SCAPER: variants seen among roughly 807,000 people sequenced by gnomAD.
The protein encoded by SCAPER is S phase cyclin A-associated protein in the endoplasmic reticulum.
In SCAPER, 98 loss-of-function variants were observed where a neutral mutation model predicts 182.2. The ratio of observed to expected loss-of-function variants is 0.54; its 90% CI spans 0.46 to 0.64. The LOEUF is 0.64. Ranked by LOEUF, SCAPER falls within the 30% of genes least tolerant of loss-of-function variation. The pLI, the probability that SCAPER is intolerant of heterozygous loss-of-function variation, is 0.00. For synonymous variants in SCAPER, 605 were observed against 564.6 expected, an observed-to-expected ratio of 1.07 and a Z score of -1.01; for missense variants, 1,432 against 1,690.0, an observed-to-expected ratio of 0.85 and a Z score of 2.68.
At position 76,633,242 on chromosome 15, in the gene SCAPER, C is replaced by T. The variant is rs2053293952; in HGVS notation, c.2646-11413G>A. Reference sequence around the variant, plus strand: ...GCTATTTCCCTGGGTCCTTCCCACTCCTGGAATTATCACCAGTGGACGCTG... The same window carrying T: ...GCTATTTCCCTGGGTCCTTCCCACTTCTGGAATTATCACCAGTGGACGCTG... On this transcript the variant is annotated intron_variant, in intron 21 of 31. Transcript: ENST00000563290. Among the ~76,000 whole-genome samples, 5 of 152,308 alleles carry T rather than the reference C, an allele frequency of 3.3e-5. No homozygotes were observed. In the South Asian group the frequency reaches 1.0e-3, roughly 32 times the overall value.
intron 27 of SCAPER, among the ~76,000 whole-genome samples, chr15:76,390,260 G>T (rs529573553): frequency 6.6e-6 from 1 of 152,298 alleles, no homozygotes; most frequent in East Asian, 1.9e-4. Context: ...TGGCTAAAGA[G>T]GAACTCTTGA....
chr15:76,415,611 T>C (rs1356586087), intron 26 of SCAPER, among the ~76,000 whole-genome samples: 1 of 152,142 alleles, frequency 6.6e-6, no homozygotes, highest in Non-Finnish European at 1.5e-5. Context: ...TGCATAAAAA[T>C]AACAATTGGC....
At chr15:76,734,672 G>T (rs1431630347) in intron 15 of SCAPER, among the ~76,000 whole-genome samples, 11 of 152,020 alleles carry the variant, frequency 7.2e-5, no homozygotes, top group African/African-American at 2.7e-4. Flanking sequence ...GGTCAGGAGT[G>T]CAAGCTAGCC....
At chr15:76,870,361 T>A (rs554248048) in intron 2 of SCAPER, among the ~76,000 whole-genome samples, 3 of 151,836 alleles carry the variant, frequency 2.0e-5, no homozygotes, top group African/African-American at 7.2e-5. Context: ...ATTATGTACA[T>A]CTCTTATGCA....
rs1237828525 is a variant in SCAPER at position 76,434,181 on chromosome 15, C to T, written c.3208G>A (p.Asp1070Asn). 1.2e-6 allele frequency: 2 copies of T among 1,613,952 alleles called. No individual in the cohort carries two copies. Among genetic ancestry groups the T allele is most frequent in the South Asian group, 2.2e-5 (2 of 91,084 alleles). ...GGGGTAGCTGGCTGGCAGTTTCCAT[C>T]TGGTCGATTGGCAATCAGGCAGCCC... ...VLGCLIANRP[D>N]GNCQPATPKI... is the part of the protein sequence containing the mutation. The change falls in exon 26 of 32, where the codon GAT (aspartate) becomes AAT (asparagine). Residue 1070 changes from aspartate to asparagine, a missense_variant. Transcript: ENST00000563290.
At chr15:76,895,135 A>T (rs1250471908) in intron 1 of SCAPER, among the ~76,000 whole-genome samples, 1 of 152,218 alleles carries the variant, frequency 6.6e-6, no homozygotes, top group Non-Finnish European at 1.5e-5. Flanking sequence ...TCCTCCATAA[A>T]ATACCGGCAA....
In SCAPER at chr15:76,504,151, G is replaced by C. The variant is rs1597076978; in HGVS notation, c.2954+708C>G. On this transcript the variant is annotated intron_variant, in intron 24 of 31. Coordinates refer to ENST00000563290, the MANE Select transcript of SCAPER (RefSeq NM_020843.4). ...GATCCTCCTGCCTTGACCTCCCAAA[G>C]TGCTGGGATCATAGATGTGAGCCAT... Among the ~76,000 whole-genome samples the C allele has an allele frequency of 3.9e-5, 6 of 152,200 alleles. No homozygotes were observed. The South Asian group carries it at 8.3e-4, about 21-fold the overall frequency.
At chr15:76,485,119 G>C (rs1475048192) in intron 24 of SCAPER, among the ~76,000 whole-genome samples, 1 of 152,176 alleles carries the variant, frequency 6.6e-6, no homozygotes, top group African/African-American at 2.4e-5. Context: ...AACTATTTCT[G>C]TTTGCAGATG....
intron 26 of SCAPER, among the ~76,000 whole-genome samples, chr15:76,432,514 C>A (rs2046935774): frequency 6.6e-6 from 1 of 152,170 alleles, no homozygotes. Context: ...TCCTGTTAAC[C>A]AACCATAAGC....
Position 76,367,183 on chromosome 15 carries a change from T to C in SCAPER, c.3855+8979A>G, listed in dbSNP as rs147400866. On this transcript the variant is annotated intron_variant, in intron 29 of 31. Transcript: ENST00000563290. ...GAAACTAAAGCTCAGAGAAGGGCAG[T>C]GACTTACCCAGTGTCAAACAGCTGT... is the stretch of plus-strand genomic sequence containing the variant. Among the ~76,000 whole-genome samples the C allele has an allele frequency of 5.8e-4, 88 of 152,358 alleles. 2 individuals are homozygous for C. The East Asian group carries it at 0.015, about 27-fold the overall frequency.
chr15:76,523,129 AT>A (rs1339112582), intron 23 of SCAPER, among the ~76,000 whole-genome samples: 1 of 152,084 alleles, frequency 6.6e-6, no homozygotes, highest in Non-Finnish European at 1.5e-5. Context: ...TATTGCTTAT[AT>A]TGCTTTAACC....
In SCAPER at chr15:76,574,160, CT is replaced by C; in HGVS notation, c.2835del (p.Glu946ArgfsTer15). On this transcript the variant is annotated frameshift_variant, in exon 23 of 32. Coordinates refer to ENST00000563290, the MANE Select transcript of SCAPER (RefSeq NM_020843.4). LOFTEE classifies it high-confidence loss of function. The stretch of plus-strand genomic sequence containing the variant: ...AAAGCCAGATATTAGTTACACACCT[CT>C]TTTTCCAGTATTCTAGTGATCTCTC... ...TLGEITRILE[K>X]ENVADQIAFQ... The C allele has an allele frequency of 1.2e-6, 2 of 1,600,580 alleles. No homozygotes were observed.
chr15:76,904,182 C>G (rs1309559091), intron 1 of SCAPER, among the ~76,000 whole-genome samples: 2 of 152,128 alleles, frequency 1.3e-5, no homozygotes, highest in Non-Finnish European at 1.5e-5. Flanking sequence ...AACCTTAGGT[C>G]AGAAAACTTA....
intron 21 of SCAPER, among the ~76,000 whole-genome samples, chr15:76,631,377 CATA>C (rs1359452453): frequency 3.9e-5 from 6 of 152,300 alleles, no homozygotes; most frequent in Non-Finnish European, 8.8e-5. Context: ...GTAGTTGCTT[CATA>C]ATGTCACTGG....
At chr15:76,445,739 CT>C (rs2047954845) in intron 25 of SCAPER, among the ~76,000 whole-genome samples, 1 of 152,118 alleles carries the variant, frequency 6.6e-6, no homozygotes, top group Non-Finnish European at 1.5e-5. Context: ...ATCCTGGTGA[CT>C]GGGGAAGGAG....
At chr15:76,566,356 G>T (rs1451013667) in intron 23 of SCAPER, among the ~76,000 whole-genome samples, 1 of 152,120 alleles carries the variant, frequency 6.6e-6, no homozygotes, top group Admixed American at 6.6e-5. Context: ...CATCAATGCT[G>T]CCAGCTATGT....
chr15:76,426,387 T>C (rs2046431172), intron 26 of SCAPER, among the ~76,000 whole-genome samples: 1 of 152,188 alleles, frequency 6.6e-6, no homozygotes, highest in Admixed American at 6.5e-5. Flanking sequence ...TGAGGCTCCA[T>C]GGGTGTGGGA....
intron 23 of SCAPER, among the ~76,000 whole-genome samples, chr15:76,561,362 T>G (rs771222204): frequency 6.6e-6 from 1 of 152,190 alleles, no homozygotes; most frequent in South Asian, 2.1e-4. Flanking sequence ...ATAATTGACA[T>G]GCCTGGTTGA....
intron 20 of SCAPER, among the ~76,000 whole-genome samples, chr15:76,677,617 A>T (rs1459522630): frequency 9.9e-5 from 15 of 151,774 alleles, no homozygotes; most frequent in Non-Finnish European, 1.5e-5. Context: ...AATTTTAAAC[A>T]ACACTGCTAT....
Sources: allele counts gnomAD v4.1 joint callset (sites outside exome capture counted in the v4.1 genomes callset), GRCh38; gene constraint gnomAD v4.1.1; transcripts MANE v1.5; gene names NCBI Gene and HGNC (gene_info 2026-07-23, HGNC 2026-07-21).